Variants in C8B observed in about 807,000 individuals in gnomAD.
C8B encodes the protein complement C8 beta chain.
C8B carries 67 observed loss-of-function variants against 64.6 expected under a neutral mutation model. The observed-to-expected ratio is 1.04, with a 90% CI of 0.85 to 1.27. C8B has a LOEUF of 1.27. C8B is among the 50% of genes most tolerant of loss of function. C8B has a pLI of 0.00. For synonymous variants in C8B, 284 were observed against 257.7 expected (o/e 1.10, Z -0.98); for missense variants, 790 against 725.2 (o/e 1.09, Z -1.03).
chr1:56,959,591 T>C (rs1570405681), intron 2 of C8B: 2 of 1,535,430 alleles, frequency 1.3e-6, no homozygotes, highest in Non-Finnish European at 1.7e-6. Flanking sequence ...CAAGTGTCCA[T>C]TGTGCTGGAA....
intron 3 of C8B, 84 bp downstream of exon 3, chr1:56,956,685 C>T: frequency 1.3e-6 from 2 of 1,485,604 alleles, no homozygotes; most frequent in Non-Finnish European, 1.9e-6. Context: ...TGATCTTGAG[C>T]ACTGGACATG....
Position 56,944,628 on chromosome 1 carries a change from C to T in C8B, c.1106-804G>A, listed in dbSNP as rs117142345. ...GTGGAGAGGTCATTTTATTGGAGTA[C>T]ATTCGTGAAACTTTGAGAGTGGAAT... On this transcript the variant is annotated intron_variant, in intron 7 of 11. Coordinates refer to ENST00000371237, the MANE Select transcript of C8B (RefSeq NM_000066.4). 9.5e-4 allele frequency among the ~76,000 whole-genome samples: 145 copies of T among 152,326 alleles called. 1 individual carries two copies. In the East Asian group the frequency reaches 0.016, roughly 16 times the overall value.
In C8B at chr1:56,931,832, G is replaced by A. The variant is rs759908742; in HGVS notation, c.1599C>T (p.Ala533=). ...CICPVGSQGL[A]CEVSYRKNTP... ...TACTCTTCCGATAGGAGACCTCACA[G>A]GCTAGGCCTTGGGATCCAACAGGAC... Residue 533 remains alanine (A), a synonymous_variant, in exon 11 of 12, where the codon GCC becomes GCT. Transcript: ENST00000371237. 4.3e-6 allele frequency: 7 copies of A among 1,611,952 alleles called. No individual in the cohort carries two copies. The highest frequency in any genetic ancestry group is 3.3e-5 in the Admixed American group (2 of 59,960).
intron 2 of C8B, 39 bp downstream of exon 2, chr1:56,959,981 T>A (rs749034107): frequency 1.9e-6 from 3 of 1,612,844 alleles, no homozygotes; most frequent in Middle Eastern, 1.7e-4. Flanking sequence ...GGACAAAGGC[T>A]CCTGGAAGCT....
chr1:56,940,782 C>T (rs1294252817), intron 9 of C8B, 67 bp downstream of exon 9: 24 of 1,587,112 alleles, frequency 1.5e-5, no homozygotes, highest in Middle Eastern at 1.7e-4. Context: ...TATACCTTGG[C>T]TCATGGTAGG....
intron 1 of C8B, among the ~76,000 whole-genome samples, chr1:56,964,904 G>C (rs1207161595): frequency 1.3e-5 from 2 of 152,194 alleles, no homozygotes; most frequent in African/African-American, 4.8e-5. Context: ...TGGCAGCTTA[G>C]TTATTCTCTG....
intron 9 of C8B, among the ~76,000 whole-genome samples, chr1:56,936,251 G>A (rs1644773003): frequency 6.6e-6 from 1 of 152,090 alleles, no homozygotes; most frequent in Non-Finnish European, 1.5e-5. Flanking sequence ...CTAAATAATT[G>A]TATCAAATTA....
chr1:56,933,606 A>G (rs1644734145), intron 9 of C8B, 118 bp from the exon 10 acceptor site: 5 of 804,948 alleles, frequency 6.2e-6, no homozygotes, highest in South Asian at 1.4e-5. Context: ...GTGGGTTCCT[A>G]TGAAACTAGA....
intron 11 of C8B, chr1:56,931,455 G>T (rs562614692): frequency 3.0e-6 from 1 of 337,508 alleles, no homozygotes; most frequent in South Asian, 2.4e-5. Flanking sequence ...GGGATTAGAG[G>T]AATTTTTTAT....
chr1:56,941,095 G>T, intron 8 of C8B, 83 bp from the exon 9 acceptor site: 2 of 1,460,720 alleles, frequency 1.4e-6, no homozygotes, highest in Non-Finnish European at 1.9e-6. Context: ...AACAATTTGG[G>T]TACACCATAT....
At chr1:56,941,136 A>G in intron 8 of C8B, 124 bp from the exon 9 acceptor site, 3 of 1,080,080 alleles carry the variant, frequency 2.8e-6, no homozygotes, top group Non-Finnish European at 4.1e-6. Flanking sequence ...ATGTGGGTGG[A>G]CCAGACACTT....
intron 4 of C8B, among the ~76,000 whole-genome samples, chr1:56,954,447 G>A (rs1245205228): frequency 6.6e-6 from 1 of 152,216 alleles, no homozygotes; most frequent in Non-Finnish European, 1.5e-5. Context: ...CACATGCACA[G>A]CTCTGTCCCA....
intron 7 of C8B, among the ~76,000 whole-genome samples, 172 bp downstream of exon 7, chr1:56,945,649 C>T (rs1352501908): frequency 2.0e-5 from 3 of 152,186 alleles, no homozygotes; most frequent in African/African-American, 7.2e-5. Context: ...AAGAGAATGG[C>T]CTAGGGAGCT....
chr1:56,964,574 T>C (rs919254101), intron 1 of C8B, among the ~76,000 whole-genome samples: 2 of 152,194 alleles, frequency 1.3e-5, no homozygotes, highest in African/African-American at 4.8e-5. Context: ...CACGCACCTG[T>C]AGAGATTCAG....
At chr1:56,953,092 T>G (rs375887060) in intron 4 of C8B, among the ~76,000 whole-genome samples, 1 of 152,218 alleles carries the variant, frequency 6.6e-6, no homozygotes, top group East Asian at 1.9e-4. Flanking sequence ...CCTGCAGCTC[T>G]GTGCAATAGA....
Position 56,933,460 on chromosome 1 carries a change from G to T in C8B, c.1427C>A (p.Ala476Asp). 6.2e-7 allele frequency: 1 copy of T among 1,613,874 alleles called. No homozygotes were observed. The highest frequency in any genetic ancestry group is 8.5e-7 in the Non-Finnish European group (1 of 1,179,790). Residue 476 changes from alanine (A) to aspartate (D), a missense_variant, in exon 10 of 12, where the codon GCC (alanine) becomes GAC (aspartate). By Grantham distance (126) the Ala-to-Asp change is moderately radical. Transcript: ENST00000371237. Reference sequence around the variant, plus strand: ...TGTGCTGGAATAGGCAAAATCTGTGGCTGTCACTAGTTCATACAGAGGCTC... The same window carrying T: ...TGTGCTGGAATAGGCAAAATCTGTGTCTGTCACTAGTTCATACAGAGGCTC... The part of the protein sequence containing the change: ...KVEPLYELVT[A>D]TDFAYSSTVR...
intron 5 of C8B, 76 bp from the exon 6 acceptor site, chr1:56,949,828 T>A: frequency 1.0e-6 from 1 of 990,952 alleles, no homozygotes; most frequent in Non-Finnish European, 1.5e-6. Flanking sequence ...AGACAGCCAC[T>A]CTACTCCTAC....
At chr1:56,958,142 C>A (rs980203597) in intron 2 of C8B, among the ~76,000 whole-genome samples, 1 of 152,102 alleles carries the variant, frequency 6.6e-6, no homozygotes, top group African/African-American at 2.4e-5. Flanking sequence ...GCAGATAACA[C>A]AGGGGCCTCC....
In C8B at chr1:56,929,403, G is replaced by T; in HGVS notation, c.*1C>A. ...TATGTAGCCCACTGCTGTATCATCTGCTAGGAGCAGTCAAGTGTTTCTGAA... is the reference window on the plus strand; with the variant it reads ...TATGTAGCCCACTGCTGTATCATCTTCTAGGAGCAGTCAAGTGTTTCTGAA... On this transcript the variant is annotated 3_prime_UTR_variant, in exon 12 of 12. Transcript: ENST00000371237. The T allele has an allele frequency of 6.2e-7, 1 of 1,612,062 alleles. No individual in the cohort carries two copies. Among genetic ancestry groups the T allele is most frequent in the Non-Finnish European group, 8.5e-7 (1 of 1,179,852 alleles).
Sources: allele counts gnomAD v4.1 joint callset (sites outside exome capture counted in the v4.1 genomes callset), GRCh38; gene constraint gnomAD v4.1.1; transcripts MANE v1.5; gene names NCBI Gene and HGNC (gene_info 2026-07-23, HGNC 2026-07-21).